The following PALLD variants were observed in gnomAD, a reference collection of about 807,000 sequenced individuals.
PALLD encodes the protein palladin.
Under a neutral mutation model 123.5 loss-of-function variants are expected in PALLD, and 61 were observed. That is an observed-to-expected ratio of 0.49 (90% confidence interval 0.40 to 0.61). PALLD has a LOEUF of 0.61. Ranked by LOEUF, PALLD falls within the 20% of genes least tolerant of loss-of-function variation. The pLI is 0.00. For synonymous variants in PALLD, 465 were observed against 496.4 expected, an observed-to-expected ratio of 0.94 and a Z score of 0.84; for missense variants, 1,273 against 1,377.0, an observed-to-expected ratio of 0.92 and a Z score of 1.20.
intron 2 of PALLD, among the ~76,000 whole-genome samples, chr4:168,555,593 A>G (rs1336401628): frequency 6.6e-6 from 1 of 152,200 alleles, no homozygotes; most frequent in Non-Finnish European, 1.5e-5. Flanking sequence ...GAAAGATCTG[A>G]TATTAGCAGA....
In PALLD at chr4:168,858,070, ACT is replaced by A. The variant is rs1431873982; in HGVS notation, c.1965-32849_1965-32848del. 2.6e-5 allele frequency among the ~76,000 whole-genome samples: 4 copies of A among 152,160 alleles called. No individual in the cohort carries two copies. In the East Asian group the frequency reaches 5.8e-4, roughly 22 times the overall value. On this transcript the variant is annotated intron_variant, in intron 10 of 21. Coordinates refer to ENST00000505667, the MANE Select transcript of PALLD (RefSeq NM_001166108.2). ...CCTTGTTATTCATTGAGAAATAGAA[ACT>A]CTGATTATTTAGAGCAAAATTTCAG... is the stretch of plus-strand genomic sequence containing the variant.
At chr4:168,771,508 C>T (rs1202296026) in intron 10 of PALLD, among the ~76,000 whole-genome samples, 1 of 152,170 alleles carries the variant, frequency 6.6e-6, no homozygotes, top group Non-Finnish European at 1.5e-5. Context: ...GCATAGAAGG[C>T]AGGCACCCAT....
At chr4:168,901,639 C>G (rs902469598) in intron 14 of PALLD, among the ~76,000 whole-genome samples, 6 of 152,136 alleles carry the variant, frequency 3.9e-5, no homozygotes, top group Non-Finnish European at 7.4e-5. Context: ...AGGCAGATCT[C>G]TTGAGGTCAG....
intron 10 of PALLD, among the ~76,000 whole-genome samples, chr4:168,783,680 A>C (rs1055043822): frequency 1.1e-4 from 17 of 152,186 alleles, no homozygotes; most frequent in Non-Finnish European, 2.2e-4. Flanking sequence ...ATATTTGTAA[A>C]ATTCCTGGAG....
At chr4:168,756,919 G>C (rs1013119979) in intron 10 of PALLD, among the ~76,000 whole-genome samples, 1 of 152,208 alleles carries the variant, frequency 6.6e-6, no homozygotes, top group African/African-American at 2.4e-5. Flanking sequence ...AAGGTGAAAA[G>C]GGGTACCCAG....
intron 2 of PALLD, among the ~76,000 whole-genome samples, chr4:168,595,097 G>A (rs1018244590): frequency 6.6e-6 from 1 of 152,156 alleles, no homozygotes; most frequent in Non-Finnish European, 1.5e-5. Flanking sequence ...ATGGATTAGA[G>A]AAATTGACTA....
At chr4:168,572,703 A>G (rs7349649) in intron 2 of PALLD, among the ~76,000 whole-genome samples, 14,103 of 151,732 alleles carry the variant, frequency 0.093, 904 homozygotes, top group South Asian at 0.17. Flanking sequence ...AGCTTACTTC[A>G]TCAGCAGGTC....
chr4:168,723,509 G>T (rs865976712), intron 10 of PALLD, among the ~76,000 whole-genome samples: 1 of 152,174 alleles, frequency 6.6e-6, no homozygotes, highest in Admixed American at 6.5e-5. Flanking sequence ...AATCCCATAG[G>T]CAATAGAAGA....
intron 1 of PALLD, among the ~76,000 whole-genome samples, chr4:168,499,670 C>G (rs558917848): frequency 6.6e-6 from 1 of 150,850 alleles, no homozygotes; most frequent in East Asian, 1.9e-4. Flanking sequence ...CTGCCTAAAT[C>G]CCCCCACAGA....
chr4:168,608,510 T>C (rs943307118), intron 2 of PALLD, among the ~76,000 whole-genome samples: 3 of 152,238 alleles, frequency 2.0e-5, no homozygotes, highest in Non-Finnish European at 1.5e-5. Flanking sequence ...TAAGCGTTCA[T>C]TGAAGTTTCT....
chr4:168,712,797 A>G (rs774975804), intron 10 of PALLD, among the ~76,000 whole-genome samples: 2 of 152,034 alleles, frequency 1.3e-5, no homozygotes, highest in African/African-American at 2.4e-5. Context: ...ATTTACCCAT[A>G]TCTGATGTTT....
intron 10 of PALLD, among the ~76,000 whole-genome samples, chr4:168,883,593 A>C (rs1457049369): frequency 6.6e-6 from 1 of 152,188 alleles, no homozygotes; most frequent in Non-Finnish European, 1.5e-5. Flanking sequence ...GATGCTTTCA[A>C]GATTATTCAG....
chr4:168,808,730 G>A (rs1170616871), intron 10 of PALLD, among the ~76,000 whole-genome samples: 2 of 152,204 alleles, frequency 1.3e-5, no homozygotes, highest in East Asian at 3.8e-4. Context: ...CACTGTTAGA[G>A]AGCATGAGAG....
At chr4:168,575,776 G>A (rs1308130038) in intron 2 of PALLD, among the ~76,000 whole-genome samples, 2 of 152,100 alleles carry the variant, frequency 1.3e-5, no homozygotes, top group Admixed American at 6.6e-5. Flanking sequence ...TTGAGATTCT[G>A]CATTCTAAGA....
chr4:168,539,360 C>A (rs1765387464), intron 2 of PALLD, among the ~76,000 whole-genome samples: 1 of 152,012 alleles, frequency 6.6e-6, no homozygotes, highest in Admixed American at 6.6e-5. Context: ...GACGCCGAGG[C>A]AGGGGAATAA....
intron 10 of PALLD, among the ~76,000 whole-genome samples, chr4:168,852,228 C>T (rs1196361131): frequency 6.6e-6 from 1 of 152,134 alleles, no homozygotes; most frequent in Non-Finnish European, 1.5e-5. Context: ...CCCAGCAATA[C>T]AAAGCACCCT....
intron 2 of PALLD, among the ~76,000 whole-genome samples, chr4:168,548,896 A>C (rs1766441510): frequency 1.3e-5 from 2 of 152,108 alleles, no homozygotes; most frequent in Non-Finnish European, 2.9e-5. Flanking sequence ...ACTTGTAATC[A>C]CAATATTTTG....
intron 10 of PALLD, among the ~76,000 whole-genome samples, chr4:168,752,750 A>G (rs923938470): frequency 1.3e-5 from 2 of 151,556 alleles, no homozygotes; most frequent in Admixed American, 6.6e-5. Context: ...TTTTTTTGCC[A>G]TTTATATCTA....
chr4:168,522,134 C>T (rs990142489), intron 2 of PALLD, among the ~76,000 whole-genome samples: 1 of 152,172 alleles, frequency 6.6e-6, no homozygotes, highest in African/African-American at 2.4e-5. Context: ...TTAGCAATTT[C>T]CCTCAGTTTG....
Sources: allele counts gnomAD v4.1 joint callset (sites outside exome capture counted in the v4.1 genomes callset), GRCh38; gene constraint gnomAD v4.1.1; transcripts MANE v1.5; gene names NCBI Gene and HGNC (gene_info 2026-07-23, HGNC 2026-07-21).